Variants in CCDC91 observed in about 807,000 individuals in gnomAD.
CCDC91 encodes the protein coiled-coil domain-containing protein 91.
A neutral mutation model predicts 63.2 loss-of-function variants in CCDC91; 48 were observed. That is an observed-to-expected ratio of 0.76 (90% CI 0.60 to 0.97). The LOEUF (loss-of-function observed/expected upper bound fraction) is 0.97. CCDC91 is among the 50% of genes least tolerant of loss of function. The probability of loss-of-function intolerance (pLI) is 0.00; values close to 1 mark genes in which losing one functional copy is unlikely to be tolerated. For missense variants in CCDC91, 500 were observed against 494.6 expected (o/e 1.01, Z -0.10); for synonymous variants, 167 against 165.8 (o/e 1.01, Z -0.06).
chr12:28,460,837 G>A (rs1592736916), intron 11 of CCDC91, among the ~76,000 whole-genome samples: 2 of 151,882 alleles, frequency 1.3e-5, no homozygotes, highest in African/African-American at 4.8e-5. Context: ...TAACTTAGCT[G>A]GAGAGGGACA....
chr12:28,370,664 G>A (rs1944560984), intron 7 of CCDC91, among the ~76,000 whole-genome samples: 1 of 152,110 alleles, frequency 6.6e-6, no homozygotes, highest in African/African-American at 2.4e-5. Context: ...GTATTAGTCA[G>A]TTTTCACACT....
intron 11 of CCDC91, among the ~76,000 whole-genome samples, chr12:28,459,458 C>A (rs1950205061): frequency 6.6e-6 from 1 of 152,136 alleles, no homozygotes; most frequent in Non-Finnish European, 1.5e-5. Flanking sequence ...TCCAACAACA[C>A]AATTTGGCTC....
At chr12:28,405,664 C>CA (rs1344130978) in intron 8 of CCDC91, among the ~76,000 whole-genome samples, 1 of 152,144 alleles carries the variant, frequency 6.6e-6, no homozygotes, top group Non-Finnish European at 1.5e-5. Flanking sequence ...CTCTTCAAAG[C>CA]ATCCATCCCT....
At position 28,329,768 on chromosome 12, in the gene CCDC91, G is replaced by GC. The variant is rs547602795; in HGVS notation, c.576+22023dup. On this transcript the variant is annotated intron_variant, in intron 6 of 12. Coordinates refer to ENST00000536442, the MANE Select transcript of CCDC91 (RefSeq NM_018318.5). ...TCTCCTAATGCTATCCCTCCCCCAG[G>GC]CCCCACCCTGTGACAGGCCCCAGTA... Among the ~76,000 whole-genome samples, 76 of 152,030 alleles carry GC rather than the reference G, an allele frequency of 5.0e-4. No individual in the cohort carries two copies. In the South Asian group the frequency reaches 9.2e-3, roughly 18 times the overall value.
chr12:28,299,549 T>C (rs1343960740), intron 3 of CCDC91, among the ~76,000 whole-genome samples: 1 of 151,568 alleles, frequency 6.6e-6, no homozygotes, highest in East Asian at 1.9e-4. Flanking sequence ...TTTTCTTTTA[T>C]TGAGTATGTG....
intron 11 of CCDC91, among the ~76,000 whole-genome samples, chr12:28,454,809 G>A (rs1949985322): frequency 6.6e-6 from 1 of 152,082 alleles, no homozygotes; most frequent in African/African-American, 2.4e-5. Context: ...GATAGGGATT[G>A]TGGTGAGAGT....
chr12:28,426,847 T>C (rs919786869), intron 8 of CCDC91, among the ~76,000 whole-genome samples: 2 of 152,226 alleles, frequency 1.3e-5, no homozygotes, highest in Non-Finnish European at 2.9e-5. Flanking sequence ...TTTAGCCTTT[T>C]AGCATGTCTT....
intron 12 of CCDC91, among the ~76,000 whole-genome samples, chr12:28,531,971 GCTCTTTT>G (rs1941772324): frequency 6.6e-6 from 1 of 152,050 alleles, no homozygotes; most frequent in African/African-American, 2.4e-5. Flanking sequence ...GAGCTGGGGT[GCTCTTTT>G]AGATAAAGTG....
intron 11 of CCDC91, among the ~76,000 whole-genome samples, chr12:28,457,630 G>C (rs1950112656): frequency 1.3e-5 from 2 of 151,514 alleles, no homozygotes; most frequent in Admixed American, 1.3e-4. Context: ...AACTATGACA[G>C]AAAACCGAGT....
chr12:28,345,660 T>C (rs1021980921), intron 6 of CCDC91, among the ~76,000 whole-genome samples: 2 of 152,092 alleles, frequency 1.3e-5, no homozygotes, highest in African/African-American at 4.8e-5. Flanking sequence ...TCACAGGTCC[T>C]TTCTCCTTCC....
chr12:28,477,985 T>G lies in CCDC91; in HGVS notation c.1102-6067T>G, dbSNP rs541380028. Among the ~76,000 whole-genome samples, 3 of 152,262 alleles carry G rather than the reference T, an allele frequency of 2.0e-5. No individual in the cohort carries two copies. The South Asian group carries it at 6.2e-4, about 32-fold the overall frequency. On this transcript the variant is annotated intron_variant, in intron 11 of 12. Transcript: ENST00000536442. ...AAGGATACAAACAAATGGAACAACA[T>G]TCCATGCTCATGGATAGGAATAATC...
intron 1 of CCDC91, among the ~76,000 whole-genome samples, chr12:28,227,013 T>C (rs375975283): frequency 2.0e-4 from 31 of 152,250 alleles, no homozygotes; most frequent in African/African-American, 5.5e-4. Context: ...ATGATTAGAC[T>C]GGGGTTAGGG....
intron 8 of CCDC91, among the ~76,000 whole-genome samples, chr12:28,406,950 A>C (rs1417532625): frequency 1.3e-5 from 2 of 152,092 alleles, no homozygotes; most frequent in East Asian, 1.9e-4. Context: ...TTAAATTCCC[A>C]GTGTTGGAGT....
rs1363300039 is a variant in CCDC91 at position 28,393,006 on chromosome 12, A to G, written c.762+1595A>G. On this transcript the variant is annotated intron_variant, in intron 8 of 12. Coordinates refer to ENST00000536442, the MANE Select transcript of CCDC91 (RefSeq NM_018318.5). ...GCTATCATTAGTATGTAACAACTTTAAAATCTCACTGGATAGATTAAATAA... is the reference window on the plus strand; with the variant it reads ...GCTATCATTAGTATGTAACAACTTTGAAATCTCACTGGATAGATTAAATAA... Among the ~76,000 whole-genome samples the G allele has an allele frequency of 2.0e-5, 3 of 152,258 alleles. No homozygotes were observed. In the East Asian group the frequency reaches 5.8e-4, roughly 29 times the overall value.
chr12:28,225,022 G>A (rs1461562256), intron 1 of CCDC91, among the ~76,000 whole-genome samples: 1 of 152,188 alleles, frequency 6.6e-6, no homozygotes, highest in Non-Finnish European at 1.5e-5. Context: ...CAAAAATGGT[G>A]TAATTTAGTT....
At chr12:28,522,643 C>G (rs995802010) in intron 12 of CCDC91, among the ~76,000 whole-genome samples, 7 of 152,146 alleles carry the variant, frequency 4.6e-5, no homozygotes, top group East Asian at 3.8e-4. Context: ...TCTTGCTTCT[C>G]TAGTTCTTTT....
At chr12:28,511,001 T>A (rs1237205859) in intron 12 of CCDC91, among the ~76,000 whole-genome samples, 1 of 151,908 alleles carries the variant, frequency 6.6e-6, no homozygotes, top group Non-Finnish European at 1.5e-5. Flanking sequence ...TATCCTTTCT[T>A]CAAAGCTCAC....
chr12:28,376,710 T>C (rs1312163084), intron 7 of CCDC91, among the ~76,000 whole-genome samples: 1 of 151,850 alleles, frequency 6.6e-6, no homozygotes, highest in African/African-American at 2.4e-5. Context: ...TGTTTACTTC[T>C]CATTTTTCTT....
intron 1 of CCDC91, among the ~76,000 whole-genome samples, chr12:28,252,275 A>G (rs1946165220): frequency 6.6e-6 from 1 of 151,750 alleles, no homozygotes; most frequent in Middle Eastern, 3.2e-3. Flanking sequence ...TCTCTTGGAC[A>G]GTTGATATAC....
Sources: allele counts gnomAD v4.1 joint callset (sites outside exome capture counted in the v4.1 genomes callset), GRCh38; gene constraint gnomAD v4.1.1; transcripts MANE v1.5; gene names NCBI Gene and HGNC (gene_info 2026-07-23, HGNC 2026-07-21).